DIP2C: variants seen among roughly 807,000 people sequenced by gnomAD.
DIP2C encodes disco-interacting protein 2 homolog C.
A neutral mutation model predicts 192.4 loss-of-function variants in DIP2C; 33 were observed. That is an observed-to-expected ratio of 0.17 (90% confidence interval 0.13 to 0.23). The LOEUF is 0.23. Ranked by LOEUF, DIP2C falls within the 10% of genes least tolerant of loss-of-function variation. The pLI, the probability that DIP2C is intolerant of heterozygous loss-of-function variation, is 1.00. For missense variants in DIP2C, 1,537 were observed against 2,110.1 expected, an observed-to-expected ratio of 0.73 and a Z score of 5.32; for synonymous variants, 979 against 864.1, an observed-to-expected ratio of 1.13 and a Z score of -2.33.
chr10:381,426 G>A (rs771287233), intron 17 of DIP2C, among the ~76,000 whole-genome samples: 1 of 151,978 alleles, frequency 6.6e-6, no homozygotes, highest in African/African-American at 2.4e-5. Flanking sequence ...TCGGTCCTTC[G>A]GTGTGTTGAG....
intron 1 of DIP2C, among the ~76,000 whole-genome samples, chr10:661,535 C>A (rs1332721704): frequency 1.3e-5 from 2 of 152,226 alleles, no homozygotes; most frequent in Non-Finnish European, 1.5e-5. Flanking sequence ...AGTCCCACCC[C>A]CTGGTTTTCA....
chr10:372,068 CCTTT>C (rs1292592489), intron 17 of DIP2C, among the ~76,000 whole-genome samples: 3 of 147,740 alleles, frequency 2.0e-5, no homozygotes, highest in African/African-American at 5.1e-5. Context: ...ACAAAAACCC[CCTTT>C]CCTTTTTTTT....
At chr10:353,892 C>T (rs1321256009) in intron 24 of DIP2C, among the ~76,000 whole-genome samples, 1 of 152,208 alleles carries the variant, frequency 6.6e-6, no homozygotes, top group Non-Finnish European at 1.5e-5. Flanking sequence ...ATGCATGATT[C>T]TGTATGTGGC....
intron 1 of DIP2C, chr10:668,301 T>C (rs1857236942): frequency 6.7e-6 from 1 of 150,300 alleles, no homozygotes; most frequent in Non-Finnish European, 1.5e-5. Flanking sequence ...ACATACAACA[T>C]ACAACACATG....
At chr10:551,378 C>T (rs181393447) in intron 1 of DIP2C, among the ~76,000 whole-genome samples, 4 of 152,334 alleles carry the variant, frequency 2.6e-5, no homozygotes, top group Non-Finnish European at 5.9e-5. Flanking sequence ...GGCCACGTCC[C>T]GCTTACCACA....
intron 1 of DIP2C, among the ~76,000 whole-genome samples, chr10:641,164 C>T (rs1403029345): frequency 1.3e-5 from 2 of 151,476 alleles, no homozygotes; most frequent in Admixed American, 6.6e-5. Context: ...CCTACCCTCA[C>T]CTTGGAAGAT....
intron 8 of DIP2C, 118 bp downstream of exon 8, chr10:413,795 A>G (rs557163204): frequency 1.5e-6 from 2 of 1,311,784 alleles, no homozygotes; most frequent in East Asian, 2.5e-5. Flanking sequence ...GGCAAAGGGC[A>G]GAGGGTTAGC....
chr10:482,448 G>A (rs1241599753), intron 2 of DIP2C, among the ~76,000 whole-genome samples: 1 of 152,142 alleles, frequency 6.6e-6, no homozygotes, highest in Non-Finnish European at 1.5e-5. Context: ...CCCTGGAGAG[G>A]CCGCTCACGT....
chr10:305,059 C>T (rs1330795934), intron 32 of DIP2C, among the ~76,000 whole-genome samples: 1 of 151,898 alleles, frequency 6.6e-6, no homozygotes, highest in African/African-American at 2.4e-5. Flanking sequence ...GCAGCACACA[C>T]TACACTCATG....
At position 619,532 on chromosome 10, in the gene DIP2C, C is replaced by CAA. The variant is rs750101870; in HGVS notation, c.85+69961_85+69962insTT. ...TTTATGCCAGGGCCAGGACCAAGCC[C>CAA]GCCCGCCCGCCCTCCCACCCAGCTC... is the stretch of plus-strand genomic sequence containing the variant. On this transcript the variant is annotated intron_variant, in intron 1 of 36. Coordinates refer to ENST00000280886, the MANE Select transcript of DIP2C (RefSeq NM_014974.3). Among the ~76,000 whole-genome samples, 129 of 40,750 alleles carry CAA rather than the reference C, an allele frequency of 3.2e-3. 1 individual carries two copies. Among genetic ancestry groups the CAA allele is most frequent in the Admixed American group, 0.011 (52 of 4,742 alleles). The allele number at this position is 40,750 out of a possible 152,430, so 26.7% of individuals were successfully genotyped here. A position where few individuals can be genotyped will look rare whatever the true frequency, so the allele number is the denominator to read the frequency against.
chr10:575,457 G>C (rs1216417382), intron 1 of DIP2C, among the ~76,000 whole-genome samples: 1 of 152,206 alleles, frequency 6.6e-6, no homozygotes, highest in Non-Finnish European at 1.5e-5. Flanking sequence ...TCCTAGGACT[G>C]AAACTCAGCT....
chr10:522,256 G>C (rs987389346), intron 1 of DIP2C, among the ~76,000 whole-genome samples: 6 of 152,214 alleles, frequency 3.9e-5, no homozygotes, highest in African/African-American at 1.4e-4. Flanking sequence ...TCATGGATTA[G>C]TGGTCCAGTT....
intron 5 of DIP2C, among the ~76,000 whole-genome samples, chr10:419,465 C>G (rs188768810): frequency 1.9e-3 from 296 of 152,336 alleles, no homozygotes; most frequent in African/African-American, 6.8e-3. Flanking sequence ...AGCATTTTAA[C>G]TAGAATAACG....
chr10:648,432 A>C lies in DIP2C; in HGVS notation c.85+41062T>G, dbSNP rs71489262. On this transcript the variant is annotated intron_variant, in intron 1 of 36. Coordinates refer to ENST00000280886, the MANE Select transcript of DIP2C (RefSeq NM_014974.3). ...AACTGAGTCCACGTCCACATTTCAC[A>C]GTGGGAGAGAACAGAGGCAAACTGA... Among the ~76,000 whole-genome samples, 18 of 135,306 alleles carry C rather than the reference A, an allele frequency of 1.3e-4. No individual in the cohort carries two copies. The East Asian group carries it at 1.7e-3, about 13-fold the overall frequency. The allele number at this position is 135,306 out of a possible 152,430, so 88.8% of individuals were successfully genotyped here.
At chr10:368,455 G>A (rs1347749460) in intron 18 of DIP2C, among the ~76,000 whole-genome samples, 1 of 152,250 alleles carries the variant, frequency 6.6e-6, no homozygotes, top group African/African-American at 2.4e-5. Context: ...CTAGAGGGCT[G>A]CAGGCAGAGG....
At chr10:396,745 T>C (rs1964011918) in intron 10 of DIP2C, among the ~76,000 whole-genome samples, 1 of 148,478 alleles carries the variant, frequency 6.7e-6, no homozygotes. Flanking sequence ...GTGAAGACCA[T>C]GGGACCCAGG....
At chr10:416,631 T>G (rs1023636077) in intron 6 of DIP2C, among the ~76,000 whole-genome samples, 1 of 152,192 alleles carries the variant, frequency 6.6e-6, no homozygotes, top group South Asian at 2.1e-4. Flanking sequence ...CTGTGCTAAT[T>G]ATAATGAATG....
intron 1 of DIP2C, among the ~76,000 whole-genome samples, chr10:579,514 CAG>C (rs1278115821): frequency 4.6e-5 from 7 of 152,040 alleles, no homozygotes; most frequent in South Asian, 2.1e-4. Context: ...TGTGTACATG[CAG>C]AGAGCATACA....
intron 1 of DIP2C, among the ~76,000 whole-genome samples, chr10:521,895 C>G (rs771411151): frequency 5.3e-5 from 8 of 152,102 alleles, no homozygotes; most frequent in Non-Finnish European, 8.8e-5. Flanking sequence ...CCCACCGGAC[C>G]AGCATGTCTG....
Sources: gnomAD v4.1 joint callset for allele counts (sites outside exome capture counted in the v4.1 genomes callset) on GRCh38, gnomAD v4.1.1 for gene constraint, MANE v1.5 for transcripts, NCBI Gene and HGNC (gene_info 2026-07-23, HGNC 2026-07-21) for gene names.